Variants in FARP1 observed in about 807,000 individuals in gnomAD.
FARP1 encodes the protein FERM, ARH/RhoGEF and pleckstrin domain protein 1.
A neutral mutation model predicts 128.8 loss-of-function variants in FARP1; 52 were observed. That is an observed-to-expected ratio of 0.40 (90% CI 0.32 to 0.51). The LOEUF is 0.51. Ranked by LOEUF, FARP1 falls within the 20% of genes least tolerant of loss-of-function variation. The probability of loss-of-function intolerance (pLI) is 0.45; values close to 1 mark genes in which losing one functional copy is unlikely to be tolerated. For synonymous variants in FARP1, 580 were observed against 551.8 expected (o/e 1.05, Z -0.72); for missense variants, 1,333 against 1,367.9 (o/e 0.97, Z 0.40).
In FARP1 at chr13:98,449,744, C is replaced by T. The variant is rs1397758350; in HGVS notation, c.*1427C>T. ...AAAAATACCTCACGCCACAATCCAG[C>T]ATATTGATGTTTTAAGGCAAAACAA... is the stretch of plus-strand genomic sequence containing the variant. On this transcript the variant is annotated 3_prime_UTR_variant, in exon 27 of 27. Transcript: ENST00000319562. 6.7e-6 allele frequency: 1 copy of T among 150,124 alleles called. No homozygotes were observed. Among genetic ancestry groups the T allele is most frequent in the East Asian group, 2.0e-4 (1 of 5,044 alleles). 9.3% of individuals were successfully genotyped at this position (150,124 alleles called of 1,614,324 possible).
At chr13:98,168,065 G>C (rs1202959448) in intron 1 of FARP1, among the ~76,000 whole-genome samples, 5 of 152,050 alleles carry the variant, frequency 3.3e-5, no homozygotes, top group Admixed American at 3.3e-4. Context: ...CCAGCTACTT[G>C]GGAGGCTGAG....
chr13:98,396,584 G>A, intron 13 of FARP1: 1 of 398,562 alleles, frequency 2.5e-6, no homozygotes, highest in East Asian at 3.6e-5. Flanking sequence ...TCATTCATTT[G>A]TAGTCTACAT....
intron 1 of FARP1, among the ~76,000 whole-genome samples, chr13:98,158,211 A>G (rs1368901912): frequency 6.6e-6 from 1 of 152,236 alleles, no homozygotes; most frequent in African/African-American, 2.4e-5. Flanking sequence ...GTTATTTACA[A>G]TGAGAAGAGA....
At chr13:98,323,013 A>C (rs1887067831) in intron 2 of FARP1, among the ~76,000 whole-genome samples, 1 of 152,174 alleles carries the variant, frequency 6.6e-6, no homozygotes, top group South Asian at 2.1e-4. Context: ...GTAATATTAG[A>C]TATATGGTTG....
chr13:98,268,584 C>A (rs1441235217), intron 2 of FARP1, among the ~76,000 whole-genome samples: 1 of 152,224 alleles, frequency 6.6e-6, no homozygotes, highest in Admixed American at 6.5e-5. Context: ...TCTCCTGCGT[C>A]AGCCTCCTGA....
intron 1 of FARP1, among the ~76,000 whole-genome samples, chr13:98,162,959 T>A (rs759795001): frequency 3.9e-4 from 59 of 152,120 alleles, no homozygotes; most frequent in Non-Finnish European, 1.6e-4. Context: ...AACTGAGCAA[T>A]CTCATTACTG....
chr13:98,195,304 G>T (rs1417752316), intron 1 of FARP1, among the ~76,000 whole-genome samples: 1 of 152,082 alleles, frequency 6.6e-6, no homozygotes, highest in Non-Finnish European at 1.5e-5. Flanking sequence ...TCCTCGATCT[G>T]CCTATTTAAA....
At chr13:98,197,862 C>G (rs1879674505) in intron 1 of FARP1, among the ~76,000 whole-genome samples, 1 of 152,012 alleles carries the variant, frequency 6.6e-6, no homozygotes, top group Non-Finnish European at 1.5e-5. Context: ...GTCTCGATCT[C>G]CTGACCTCGT....
At chr13:98,182,168 G>A (rs1878581886) in intron 1 of FARP1, among the ~76,000 whole-genome samples, 1 of 152,008 alleles carries the variant, frequency 6.6e-6, no homozygotes, top group Non-Finnish European at 1.5e-5. Flanking sequence ...GTGAAGGATT[G>A]TAACATTTCT....
At chr13:98,313,340 C>G (rs978335365) in intron 2 of FARP1, among the ~76,000 whole-genome samples, 1 of 123,434 alleles carries the variant, frequency 8.1e-6, no homozygotes, top group Non-Finnish European at 1.8e-5. Flanking sequence ...ACACACACAC[C>G]TGCACAAACG....
intron 2 of FARP1, among the ~76,000 whole-genome samples, chr13:98,262,796 C>G (rs1027720602): frequency 6.6e-6 from 1 of 151,944 alleles, no homozygotes; most frequent in Non-Finnish European, 1.5e-5. Flanking sequence ...CTGTCAGACC[C>G]GAAGTTAACT....
intron 16 of FARP1, among the ~76,000 whole-genome samples, chr13:98,422,041 C>T (rs772304430): frequency 9.9e-5 from 15 of 151,892 alleles, no homozygotes; most frequent in East Asian, 1.9e-4. Context: ...ACCGAAACCA[C>T]GGCAAATAGG....
intron 5 of FARP1, among the ~76,000 whole-genome samples, chr13:98,373,529 G>GACACACACACAC (rs1555341442): frequency 3.8e-5 from 3 of 79,168 alleles, no homozygotes; most frequent in Non-Finnish European, 7.6e-5. Flanking sequence ...GAGACAGACA[G>GACACACACACAC]ACAGACACAC....
chr13:98,434,339 A>C (rs571847903), intron 18 of FARP1: 1 of 152,324 alleles, frequency 6.6e-6, no homozygotes, highest in Admixed American at 6.5e-5. Context: ...TCATGTCTGA[A>C]AATCGAGCAA....
At chr13:98,310,525 G>A (rs181430544) in intron 2 of FARP1, among the ~76,000 whole-genome samples, 27 of 152,264 alleles carry the variant, frequency 1.8e-4, no homozygotes, top group Non-Finnish European at 3.4e-4. Flanking sequence ...TTCAAAAATG[G>A]CTATTTTGCT....
At chr13:98,295,581 T>A (rs1311484508) in intron 2 of FARP1, among the ~76,000 whole-genome samples, 1 of 152,206 alleles carries the variant, frequency 6.6e-6, no homozygotes, top group Non-Finnish European at 1.5e-5. Flanking sequence ...TTCTTCTGGC[T>A]GGGTGAGTCA....
chr13:98,354,421 C>T (rs1315505738), intron 3 of FARP1, among the ~76,000 whole-genome samples: 1 of 152,138 alleles, frequency 6.6e-6, no homozygotes. Context: ...AGATATGAAA[C>T]ATGGTCTTGG....
At chr13:98,175,634 T>C (rs1050770409) in intron 1 of FARP1, among the ~76,000 whole-genome samples, 5 of 152,214 alleles carry the variant, frequency 3.3e-5, no homozygotes, top group Admixed American at 2.6e-4. Flanking sequence ...TTTATAACTT[T>C]TTCATTTAGC....
chr13:98,224,536 A>G (rs1200891229), intron 2 of FARP1, among the ~76,000 whole-genome samples: 3 of 51,438 alleles, frequency 5.8e-5, no homozygotes, highest in African/African-American at 1.4e-4. Context: ...CAAAAAAAAA[A>G]AAAAAAAAAG....
Sources: gnomAD v4.1 joint callset for allele counts (sites outside exome capture counted in the v4.1 genomes callset) on GRCh38, gnomAD v4.1.1 for gene constraint, MANE v1.5 for transcripts, NCBI Gene and HGNC (gene_info 2026-07-23, HGNC 2026-07-21) for gene names.